Variants in MDN1 observed in about 807,000 individuals in gnomAD.
The protein encoded by MDN1 is midasin.
Under a neutral mutation model 669.2 loss-of-function variants are expected in MDN1, and 266 were observed. The observed-to-expected ratio is 0.40, with a 90% CI of 0.36 to 0.44. The LOEUF (loss-of-function observed/expected upper bound fraction) is 0.44, where lower values mean the gene tolerates loss of function less well. Ranked by LOEUF, MDN1 falls within the 20% of genes least tolerant of loss-of-function variation. The pLI is 1.00. For missense variants in MDN1, 5,940 were observed against 6,754.0 expected, an observed-to-expected ratio of 0.88 and a Z score of 4.22; for synonymous variants, 2,385 against 2,457.1, an observed-to-expected ratio of 0.97 and a Z score of 0.87.
In MDN1 at chr6:89,774,782, A is replaced by T. The variant is rs9451272; in HGVS notation, c.1822-49T>A. On this transcript the variant is annotated intron_variant, in intron 12 of 101. Coordinates refer to ENST00000369393, the MANE Select transcript of MDN1 (RefSeq NM_014611.3). ...GAGTAAAAATCCACATGCTTTTGGA[A>T]TATTTCCTCATCCAGAGGCTTATTT... is the stretch of plus-strand genomic sequence containing the variant. 720 of 1,308,676 alleles carry T rather than the reference A, an allele frequency of 5.5e-4. 6 individuals are homozygous for T. In the African/African-American group the frequency reaches 9.3e-3, roughly 17 times the overall value. The allele number at this position is 1,308,676 out of a possible 1,614,324, so 81.1% of individuals were successfully genotyped here.
At position 89,765,334 on chromosome 6, in the gene MDN1, T is replaced by C. The variant is rs189918810; in HGVS notation, c.2145-2804A>G. 8.5e-5 allele frequency among the ~76,000 whole-genome samples: 13 copies of C among 152,122 alleles called. No individual in the cohort carries two copies. The East Asian group carries it at 2.1e-3, about 25-fold the overall frequency. On this transcript the variant is annotated intron_variant, in intron 15 of 101. Transcript: ENST00000369393. The stretch of plus-strand genomic sequence containing the variant: ...ATTGTAACTCCTAAACAAAAAAGAC[T>C]ATAAAAAGATTAGGAGTAGAAGCAA...
chr6:89,709,747 T>C (rs1342681465), intron 50 of MDN1, among the ~76,000 whole-genome samples: 1 of 152,250 alleles, frequency 6.6e-6, no homozygotes. Flanking sequence ...ATTTTCTTCA[T>C]TAATGCTTGT....
At chr6:89,679,192 A>G (rs1811438064) in intron 74 of MDN1, among the ~76,000 whole-genome samples, 1 of 152,224 alleles carries the variant, frequency 6.6e-6, no homozygotes, top group African/African-American at 2.4e-5. Flanking sequence ...CATGTGCACA[A>G]CTTCAGAAGC....
At chr6:89,736,438 T>G (rs957457536) in intron 33 of MDN1, among the ~76,000 whole-genome samples, 3 of 152,198 alleles carry the variant, frequency 2.0e-5, no homozygotes, top group African/African-American at 7.2e-5. Flanking sequence ...GGTAACTTCC[T>G]GAAGGAATCC....
In MDN1 at chr6:89,755,421, TC is replaced by T. The variant is rs1817198087; in HGVS notation, c.2816+855del. On this transcript the variant is annotated intron_variant, in intron 20 of 101. Transcript: ENST00000369393. Reference sequence around the variant, plus strand: ...AAAATAGAACTCCAAGTCTTCATTTTCTTACACCCTACTCAGCTTTATATGT... The same window carrying T: ...AAAATAGAACTCCAAGTCTTCATTTTTTACACCCTACTCAGCTTTATATGT... Among the ~76,000 whole-genome samples, 4 of 151,914 alleles carry T rather than the reference TC, an allele frequency of 2.6e-5. No homozygotes were observed. In the South Asian group the frequency reaches 8.3e-4, roughly 32 times the overall value.
intron 61 of MDN1, among the ~76,000 whole-genome samples, chr6:89,694,899 A>G (rs1411691281): frequency 6.6e-6 from 1 of 152,078 alleles, no homozygotes; most frequent in Non-Finnish European, 1.5e-5. Context: ...ATAAGTTAAA[A>G]ATTCCTAGGA....
chr6:89,704,798 CCTT>C (rs1182160381), intron 53 of MDN1, among the ~76,000 whole-genome samples: 1 of 152,108 alleles, frequency 6.6e-6, no homozygotes, highest in South Asian at 2.1e-4. Context: ...GCCAGGATGG[CCTT>C]GATCTCCTGA....
chr6:89,726,264 C>T (rs968695581), intron 37 of MDN1, among the ~76,000 whole-genome samples: 12 of 151,974 alleles, frequency 7.9e-5, no homozygotes, highest in Non-Finnish European at 1.6e-4. Context: ...AGTTCAAGAC[C>T]AGGCGGGCCA....
At chr6:89,678,480 G>C in intron 75 of MDN1, 119 bp downstream of exon 75, 1 of 1,204,512 alleles carries the variant, frequency 8.3e-7, no homozygotes, top group Non-Finnish European at 1.2e-6. Flanking sequence ...AACCTTGCCT[G>C]TACCTTCTGT....
chr6:89,809,267 G>A (rs1768221382), intron 1 of MDN1, among the ~76,000 whole-genome samples: 1 of 146,350 alleles, frequency 6.8e-6, no homozygotes, highest in Admixed American at 6.9e-5. Context: ...CTCTTTTACA[G>A]CACTGTTTGC....
chr6:89,774,536 G>C (rs1210798951), intron 13 of MDN1, 85 bp downstream of exon 13: 3 of 962,862 alleles, frequency 3.1e-6, no homozygotes, highest in African/African-American at 3.2e-5. Flanking sequence ...CATGTGTTTT[G>C]CACAAAGACA....
Position 89,685,948 on chromosome 6 carries a change from C to A in MDN1, c.11598G>T (p.Leu3866Phe). ...TAAATGCTTGTAATGTGCTGACCAG[C>A]AACATCAAGGTCATCTGTTTGTCAT... ...QEDDKQMTLMLLVSTLQAFIE... is the reference protein window; with the variant it reads ...QEDDKQMTLMFLVSTLQAFIE... The change falls in exon 70 of 102, where the codon TTG becomes TTT. Residue 3866 changes from leucine (L) to phenylalanine (F), a missense_variant. By Grantham distance (22) the Leu-to-Phe change is conservative. Transcript: ENST00000369393. 6.2e-7 allele frequency: 1 copy of A among 1,612,874 alleles called. No individual in the cohort carries two copies. The highest frequency in any genetic ancestry group is 8.5e-7 in the Non-Finnish European group (1 of 1,179,700).
chr6:89,770,444 T>C (rs889724005), intron 15 of MDN1, among the ~76,000 whole-genome samples: 1 of 149,202 alleles, frequency 6.7e-6, no homozygotes, highest in African/African-American at 2.4e-5. Flanking sequence ...TACAGCAGTA[T>C]AGACATGTCT....
chr6:89,690,027 T>A lies in MDN1; in HGVS notation c.10866A>T (p.Ala3622=). 1 of 1,614,204 alleles carries A rather than the reference T, an allele frequency of 6.2e-7. No individual in the cohort carries two copies. ...PALLSQNSMQ[A]VMLIHQQLCL... is the part of the protein sequence containing the mutation. ...ACAATTGCTGGTGTATCAGCATTAC[T>A]GCCTGCATTGAATTCTGGGAGAGGA... Residue 3622 remains alanine, a synonymous_variant, in exon 65 of 102, where the codon GCA becomes GCT. Coordinates refer to ENST00000369393, the MANE Select transcript of MDN1 (RefSeq NM_014611.3).
intron 9 of MDN1, among the ~76,000 whole-genome samples, chr6:89,782,024 A>G (rs911126643): frequency 3.0e-4 from 45 of 152,116 alleles, no homozygotes; most frequent in Admixed American, 2.8e-3. Context: ...AATTTTGTCA[A>G]CTTTACCAAA....
In MDN1 at chr6:89,819,720, G is replaced by A. The variant is rs1332618328; in HGVS notation, c.-113C>T. Reference sequence around the variant, plus strand: ...AGCCAGCAACTACGCCCGCAGGAAAGGCGTCCTCAGCTCCAGCGCCTACAC... The same window carrying A: ...AGCCAGCAACTACGCCCGCAGGAAAAGCGTCCTCAGCTCCAGCGCCTACAC... On this transcript the variant is annotated 5_prime_UTR_variant, in exon 1 of 102. Coordinates refer to ENST00000369393, the MANE Select transcript of MDN1 (RefSeq NM_014611.3). The A allele has an allele frequency of 4.0e-5, 33 of 815,806 alleles. No individual in the cohort carries two copies. The highest frequency in any genetic ancestry group is 3.3e-4 in the East Asian group (13 of 39,796). The allele number at this position is 815,806 out of a possible 1,614,324, so 50.5% of individuals were successfully genotyped here.
In MDN1 at chr6:89,652,174, CAG is replaced by C. The variant is rs766131438; in HGVS notation, c.15915+16_15915+17del. 1.3e-6 allele frequency: 2 copies of C among 1,597,934 alleles called. No individual in the cohort carries two copies. Among genetic ancestry groups the C allele is most frequent in the Non-Finnish European group, 1.7e-6 (2 of 1,172,024 alleles). On this transcript the variant is annotated intron_variant, in intron 95 of 101. Transcript: ENST00000369393. Reference sequence around the variant, plus strand: ...AAGTCGAGATATTTTATGAAAAAAACAGTGAGCAGTGACTTACCTCCTCTGGG... The same window carrying C: ...AAGTCGAGATATTTTATGAAAAAAACTGAGCAGTGACTTACCTCCTCTGGG...
At chr6:89,661,638 A>C (rs1809773507) in intron 87 of MDN1, 60 bp from the exon 88 acceptor site, 2 of 1,482,354 alleles carry the variant, frequency 1.3e-6, no homozygotes, top group Non-Finnish European at 1.8e-6. Context: ...TTTAAAAAGT[A>C]GAATTCCCAT....
chr6:89,731,997 T>C (rs1199968860), intron 34 of MDN1, among the ~76,000 whole-genome samples: 1 of 151,658 alleles, frequency 6.6e-6, no homozygotes, highest in African/African-American at 2.4e-5. Context: ...TCTAAAAAAA[T>C]TCAAATGTCT....
Sources: allele counts gnomAD v4.1 joint callset (sites outside exome capture counted in the v4.1 genomes callset), GRCh38; gene constraint gnomAD v4.1.1; transcripts MANE v1.5; gene names NCBI Gene and HGNC (gene_info 2026-07-23, HGNC 2026-07-21).